The following NRXN3 variants were observed in gnomAD, a reference collection of about 807,000 sequenced individuals.
The protein encoded by NRXN3 is neurexin 3, also known as neurexin III.
In NRXN3, 32 loss-of-function variants were observed where a neutral mutation model predicts 137.6. The ratio of observed to expected loss-of-function variants is 0.23; its 90% confidence interval spans 0.18 to 0.31. The LOEUF (loss-of-function observed/expected upper bound fraction) is 0.31. Among genes scored for constraint, NRXN3 ranks in the 10% least tolerant of loss-of-function variants. The pLI, the probability that NRXN3 is intolerant of heterozygous loss-of-function variation, is 1.00. For missense variants in NRXN3, 1,574 were observed against 2,062.5 expected, an observed-to-expected ratio of 0.76 and a Z score of 4.59; for synonymous variants, 798 against 784.5, an observed-to-expected ratio of 1.02 and a Z score of -0.29.
At chr14:79,579,349 CAT>C (rs138220950) in intron 16 of NRXN3, among the ~76,000 whole-genome samples, 45,558 of 142,120 alleles carry the variant, frequency 0.32, 7,908 homozygotes, top group East Asian at 0.48. Context: ...ATATATATTT[CAT>C]ATATATATAT....
Position 79,002,422 on chromosome 14 carries a change from C to T in NRXN3, c.3262+14281C>T, listed in dbSNP as rs188861406. ...TGTGTTGTTCCTCTCCCTGTGTCCA[C>T]GTGTTCTCTTTGTTCAGCTCCCACT... On this transcript the variant is annotated intron_variant, in intron 15 of 20. Coordinates refer to ENST00000335750, the MANE Select transcript of NRXN3 (RefSeq NM_001330195.2). Among the ~76,000 whole-genome samples, 3 of 152,128 alleles carry T rather than the reference C, an allele frequency of 2.0e-5. No homozygotes were observed. The East Asian group carries it at 5.8e-4, about 29-fold the overall frequency.
chr14:79,408,742 A>C (rs534036405), intron 15 of NRXN3, among the ~76,000 whole-genome samples: 1 of 152,138 alleles, frequency 6.6e-6, no homozygotes, highest in East Asian at 1.9e-4. Flanking sequence ...CTAAGAGCAC[A>C]TATTTCCAGG....
chr14:78,618,072 T>G (rs1253827595), intron 4 of NRXN3, among the ~76,000 whole-genome samples: 3 of 151,984 alleles, frequency 2.0e-5, no homozygotes, highest in African/African-American at 7.3e-5. Flanking sequence ...TGTCTACTGT[T>G]TTACAGTTAG....
chr14:78,914,842 G>T (rs957093836), intron 10 of NRXN3, among the ~76,000 whole-genome samples: 5 of 151,974 alleles, frequency 3.3e-5, no homozygotes, highest in Non-Finnish European at 5.9e-5. Flanking sequence ...TGGAATGAAG[G>T]GGGCAACGGG....
chr14:78,842,996 G>A (rs142645239), intron 10 of NRXN3, among the ~76,000 whole-genome samples: 19,278 of 151,984 alleles, frequency 0.13, 1,853 homozygotes, highest in African/African-American at 0.26. Flanking sequence ...TGTGCAGTTA[G>A]TGCAATCATC....
At chr14:78,892,135 G>A (rs1188045474) in intron 10 of NRXN3, among the ~76,000 whole-genome samples, 1 of 151,900 alleles carries the variant, frequency 6.6e-6, no homozygotes, top group East Asian at 1.9e-4. Flanking sequence ...CTGTGGCTGG[G>A]GGTCTAGCAA....
chr14:79,337,976 T>C (rs2092370354), intron 15 of NRXN3, among the ~76,000 whole-genome samples: 1 of 152,092 alleles, frequency 6.6e-6, no homozygotes, highest in African/African-American at 2.4e-5. Flanking sequence ...TTTACAGGAC[T>C]CCTAAGACTC....
chr14:79,522,641 C>G (rs905775027), intron 16 of NRXN3, among the ~76,000 whole-genome samples: 1 of 152,106 alleles, frequency 6.6e-6, no homozygotes, highest in African/African-American at 2.4e-5. Context: ...TTCCAAGGAT[C>G]CCATGGAAAC....
chr14:79,194,164 T>C (rs530693035), intron 15 of NRXN3, among the ~76,000 whole-genome samples: 1 of 152,302 alleles, frequency 6.6e-6, no homozygotes, highest in African/African-American at 2.4e-5. Context: ...AACTAAAACT[T>C]TCGTTTGACT....
chr14:79,485,633 T>C (rs2096649042), intron 16 of NRXN3, among the ~76,000 whole-genome samples: 1 of 152,174 alleles, frequency 6.6e-6, no homozygotes, highest in African/African-American at 2.4e-5. Flanking sequence ...GATATTTTAA[T>C]ATCCTTCCTA....
At chr14:79,830,906 C>G (rs868021384) in intron 20 of NRXN3, among the ~76,000 whole-genome samples, 1 of 152,038 alleles carries the variant, frequency 6.6e-6, no homozygotes, top group East Asian at 1.9e-4. Context: ...TTTGGTCCTC[C>G]CTCTCATTCT....
intron 16 of NRXN3, among the ~76,000 whole-genome samples, chr14:79,573,324 A>G (rs2097629616): frequency 1.3e-5 from 2 of 152,120 alleles, no homozygotes; most frequent in African/African-American, 4.8e-5. Context: ...GGGCAGGTGT[A>G]ACAACACAGA....
At chr14:79,669,853 G>A (rs1363385325) in intron 17 of NRXN3, among the ~76,000 whole-genome samples, 1 of 151,908 alleles carries the variant, frequency 6.6e-6, no homozygotes, top group African/African-American at 2.4e-5. Context: ...ACTGGCCCAG[G>A]CATTTTTTTG....
At chr14:78,388,951 A>T (rs2090374145) in intron 4 of NRXN3, among the ~76,000 whole-genome samples, 1 of 152,016 alleles carries the variant, frequency 6.6e-6, no homozygotes, top group Non-Finnish European at 1.5e-5. Flanking sequence ...TGTTATAAAT[A>T]ATGCTGTGAT....
chr14:78,842,846 G>C (rs753264761), intron 10 of NRXN3, among the ~76,000 whole-genome samples: 1 of 152,148 alleles, frequency 6.6e-6, no homozygotes, highest in African/African-American at 2.4e-5. Context: ...GAAGAGAAAT[G>C]TGGCTCTGTT....
intron 16 of NRXN3, among the ~76,000 whole-genome samples, chr14:79,472,724 C>G (rs532151966): frequency 6.6e-6 from 1 of 152,198 alleles, no homozygotes; most frequent in East Asian, 1.9e-4. Context: ...TGACATCTGC[C>G]TATTGACCCC....
chr14:79,362,306 C>A (rs576665198), intron 15 of NRXN3, among the ~76,000 whole-genome samples: 2 of 151,740 alleles, frequency 1.3e-5, no homozygotes, highest in East Asian at 1.9e-4. Context: ...CCTCTCCCCC[C>A]ACCCCACCAC....
At chr14:78,536,655 C>CGTGCAGAGTT (rs2096538736) in intron 4 of NRXN3, among the ~76,000 whole-genome samples, 1 of 151,674 alleles carries the variant, frequency 6.6e-6, no homozygotes, top group Admixed American at 6.6e-5. Context: ...ATGTGCACAA[C>CGTGCAGAGTT]GTGCAGATTT....
At chr14:78,438,835 TTTCAATGAGAGGGTTGTCAGCAA>T (rs111897203) in intron 4 of NRXN3, among the ~76,000 whole-genome samples, 58 of 151,468 alleles carry the variant, frequency 3.8e-4, no homozygotes, top group African/African-American at 1.4e-3. Flanking sequence ...GAAAGAAGGA[TTTCAATGAGAGGGTTGTCAGCAA>T]GCCACATGCC....
Sources: gnomAD v4.1 joint callset for allele counts (sites outside exome capture counted in the v4.1 genomes callset) on GRCh38, gnomAD v4.1.1 for gene constraint, MANE v1.5 for transcripts, NCBI Gene and HGNC (gene_info 2026-07-23, HGNC 2026-07-21) for gene names.